Variants in PATJ observed in about 807,000 individuals in gnomAD.
PATJ encodes PATJ crumbs cell polarity complex component.
Under a neutral mutation model 224.9 loss-of-function variants are expected in PATJ, and 190 were observed. That is an observed-to-expected ratio of 0.84 (90% CI 0.75 to 0.95). PATJ has a LOEUF of 0.95. Among genes scored for constraint, PATJ ranks in the 40% least tolerant of loss-of-function variants. The probability of loss-of-function intolerance (pLI) is 0.00; values close to 1 mark genes in which losing one functional copy is unlikely to be tolerated. For synonymous variants in PATJ, 769 were observed against 820.3 expected (o/e 0.94, Z 1.07); for missense variants, 2,121 against 2,270.3 (o/e 0.93, Z 1.34).
intron 33 of PATJ, among the ~76,000 whole-genome samples, chr1:62,092,305 G>C (rs1029206865): frequency 1.3e-5 from 2 of 151,896 alleles, no homozygotes; most frequent in Non-Finnish European, 2.9e-5. Context: ...GCTTGACCCT[G>C]GGAGGTCAAG....
rs572744037 is a variant in PATJ at position 62,054,844 on chromosome 1, C to A, written c.4125+3786C>A. ...TGCCGAGGCGGGGAGATCAAGAGGT[C>A]AAGAGATCGAGACCAGCCTGGCCAA... On this transcript the variant is annotated intron_variant, in intron 31 of 43. Coordinates refer to ENST00000642238, the MANE Select transcript of PATJ (RefSeq NM_001350145.3). Among the ~76,000 whole-genome samples, 379 of 152,140 alleles carry A rather than the reference C, an allele frequency of 2.5e-3. 3 individuals are homozygous for A. The highest frequency in any genetic ancestry group is 0.014 in the Middle Eastern group (4 of 294).
intron 29 of PATJ, among the ~76,000 whole-genome samples, chr1:62,025,602 C>T (rs1426823798): frequency 6.6e-6 from 1 of 152,242 alleles, no homozygotes; most frequent in Non-Finnish European, 1.5e-5. Flanking sequence ...CGGCTGATCA[C>T]TTGAGGCCAG....
At chr1:61,918,308 T>TA (rs1491119396) in intron 26 of PATJ, among the ~76,000 whole-genome samples, 14 of 106,642 alleles carry the variant, frequency 1.3e-4, no homozygotes, top group Non-Finnish European at 1.4e-4. Flanking sequence ...TTGTGTATTC[T>TA]TTTTTTTTTT....
At chr1:62,039,155 C>T in intron 30 of PATJ, 1 of 598,090 alleles carries the variant, frequency 1.7e-6, no homozygotes. Context: ...GGAACTCCAT[C>T]CTACCTTTGT....
chr1:61,938,162 C>A (rs1677177816), intron 27 of PATJ, among the ~76,000 whole-genome samples: 1 of 152,138 alleles, frequency 6.6e-6, no homozygotes, highest in African/African-American at 2.4e-5. Flanking sequence ...ATAGTACCCT[C>A]CCACTCACCA....
rs1433578779 is a variant in PATJ, at chr1:62,038,037, A to G, written c.4020A>G (p.Pro1340=). 27 of 1,592,454 alleles carry G rather than the reference A, an allele frequency of 1.7e-5. No homozygotes were observed. Among genetic ancestry groups the G allele is most frequent in the Non-Finnish European group, 2.1e-5 (24 of 1,166,634 alleles). The change falls in exon 30 of 44, where the codon CCA becomes CCG. Residue 1340 remains proline, a synonymous_variant. Coordinates refer to ENST00000642238, the MANE Select transcript of PATJ (RefSeq NM_001350145.3). ...CCTTTCCAGTGCCATCAAGTTCTCC[A>G]TCTTCTATTGAGGTAAGGTTGTTTC... ...VTPFPVPSSS[P]SSIEDQSGTE...
chr1:61,836,691 TC>T, intron 17 of PATJ, among the ~76,000 whole-genome samples: 1 of 152,020 alleles, frequency 6.6e-6, no homozygotes, highest in East Asian at 1.9e-4. Flanking sequence ...GGTTATACCA[TC>T]CCTTGTTGTA....
chr1:61,950,140 G>A (rs1350692369), intron 27 of PATJ, among the ~76,000 whole-genome samples: 1 of 152,148 alleles, frequency 6.6e-6, no homozygotes, highest in African/African-American at 2.4e-5. Flanking sequence ...GGAGGCGGAG[G>A]TTGCGGTGAG....
chr1:62,066,548 C>G (rs561847186), intron 31 of PATJ, among the ~76,000 whole-genome samples: 2 of 152,178 alleles, frequency 1.3e-5, no homozygotes, highest in South Asian at 4.2e-4. Context: ...CACACCTGGC[C>G]TGTGGGAACT....
At chr1:61,891,787 C>T (rs1669640020) in intron 22 of PATJ, among the ~76,000 whole-genome samples, 1 of 152,126 alleles carries the variant, frequency 6.6e-6, no homozygotes, top group South Asian at 2.1e-4. Context: ...AAAATGCACA[C>T]ATTTTAAGGT....
chr1:62,073,654 A>C (rs1657811016), intron 31 of PATJ, among the ~76,000 whole-genome samples: 1 of 151,924 alleles, frequency 6.6e-6, no homozygotes, highest in African/African-American at 2.4e-5. Flanking sequence ...ATAAATAAAT[A>C]AATAATAAAA....
At chr1:61,774,716 A>G (rs1646819420) in intron 6 of PATJ, among the ~76,000 whole-genome samples, 1 of 152,132 alleles carries the variant, frequency 6.6e-6, no homozygotes, top group African/African-American at 2.4e-5. Context: ...TTTTGCTTAA[A>G]TGTCTTCCTT....
At chr1:62,019,373 A>G (rs1253057971) in intron 29 of PATJ, among the ~76,000 whole-genome samples, 1 of 151,590 alleles carries the variant, frequency 6.6e-6, no homozygotes, top group Admixed American at 6.6e-5. Context: ...CTAAAAATAC[A>G]AAAATTAGCC....
intron 33 of PATJ, among the ~76,000 whole-genome samples, chr1:62,107,921 T>C (rs530908100): frequency 6.6e-6 from 1 of 152,312 alleles, no homozygotes; most frequent in Non-Finnish European, 1.5e-5. Flanking sequence ...AACCCATGGC[T>C]GTTTCACACT....
intron 13 of PATJ, among the ~76,000 whole-genome samples, chr1:61,807,208 TTCTC>T (rs1469946919): frequency 6.6e-6 from 1 of 152,148 alleles, no homozygotes; most frequent in African/African-American, 2.4e-5. Flanking sequence ...GACAGGGTCT[TTCTC>T]TGTTGCCCAG....
At chr1:61,942,908 AG>A (rs1678034327) in intron 27 of PATJ, among the ~76,000 whole-genome samples, 1 of 152,194 alleles carries the variant, frequency 6.6e-6, no homozygotes, top group Non-Finnish European at 1.5e-5. Flanking sequence ...TTTCACTTCT[AG>A]GTATATACCC....
intron 27 of PATJ, among the ~76,000 whole-genome samples, chr1:61,959,425 A>ATATATATATTTT (rs1557944860): frequency 1.6e-5 from 1 of 61,152 alleles, no homozygotes; most frequent in African/African-American, 6.7e-5. Context: ...TATATAATAT[A>ATATATATATTTT]TTTTTTTTCT....
At chr1:62,120,777 A>G (rs41289432) in intron 37 of PATJ, 11,791 of 163,326 alleles carry the variant, frequency 0.072, 937 homozygotes, top group African/African-American at 0.21. Flanking sequence ...AGCAAAATAC[A>G]TAATACATTT....
intron 14 of PATJ, among the ~76,000 whole-genome samples, chr1:61,814,286 G>A (rs1390444743): frequency 6.6e-6 from 1 of 151,870 alleles, no homozygotes; most frequent in Non-Finnish European, 1.5e-5. Flanking sequence ...TGGGATTACA[G>A]GCACCTGCTA....
Sources: allele counts gnomAD v4.1 joint callset (sites outside exome capture counted in the v4.1 genomes callset), GRCh38; gene constraint gnomAD v4.1.1; transcripts MANE v1.5; gene names NCBI Gene and HGNC (gene_info 2026-07-23, HGNC 2026-07-21).